OAS3: variants seen among roughly 807,000 people sequenced by gnomAD.
The protein encoded by OAS3 is 2'-5'-oligoadenylate synthase 3.
A neutral mutation model predicts 113.0 loss-of-function variants in OAS3; 107 were observed. The observed-to-expected ratio is 0.95, with a 90% CI of 0.81 to 1.11. OAS3 has a LOEUF of 1.11. Ranked by LOEUF, OAS3 falls within the 50% of genes most tolerant of loss-of-function variation. The probability of loss-of-function intolerance (pLI) is 0.00; values close to 1 mark genes in which losing one functional copy is unlikely to be tolerated. For synonymous variants in OAS3, 552 were observed against 573.6 expected (o/e 0.96, Z 0.54); for missense variants, 1,258 against 1,389.1 (o/e 0.91, Z 1.50).
chr12:112,961,333 C>T (rs878885732), intron 8 of OAS3, 87 bp downstream of exon 8: 4 of 1,215,114 alleles, frequency 3.3e-6, no homozygotes, highest in South Asian at 1.4e-5. Context: ...ACCCACATCT[C>T]CCCTCCTTTG....
chr12:112,968,174 G>C lies in OAS3; in HGVS notation c.3104G>C (p.Arg1035Thr). Residue 1035 changes from arginine (R) to threonine (T), a missense_variant and splice_region_variant, in exon 14 of 16, where the codon AGG (arginine) becomes ACG (threonine). Transcript: ENST00000228928. ...DFLKQQLQKP[R>T]PIILDPADPT... ...CTGAAACAGCAGCTTCAGAAGCCCA[G>C]GTTCAGGTCTACCCCCAATGTTCCA... The C allele has an allele frequency of 1.2e-6, 2 of 1,611,396 alleles. No homozygotes were observed. Among genetic ancestry groups the C allele is most frequent in the Non-Finnish European group, 1.7e-6 (2 of 1,178,086 alleles).
In OAS3 at chr12:112,968,138, T is replaced by C; in HGVS notation, c.3068T>C (p.Val1023Ala). The change falls in exon 14 of 16, where the codon GTT becomes GCT. Residue 1023 changes from valine to alanine, a missense_variant. By Grantham distance (64) the Val-to-Ala change is moderately conservative. Coordinates refer to ENST00000228928, the MANE Select transcript of OAS3 (RefSeq NM_006187.4). ...TINYNAKDKT[V>A]GDFLKQQLQK... ...AACTACAACGCCAAGGACAAGACTG[T>C]TGGAGACTTCCTGAAACAGCAGCTT... The C allele has an allele frequency of 6.2e-7, 1 of 1,613,772 alleles. No homozygotes were observed. The highest frequency in any genetic ancestry group is 1.1e-5 in the South Asian group (1 of 91,034).
At position 112,969,729 on chromosome 12, in the gene OAS3, A is replaced by G. The variant is rs774833836; in HGVS notation, c.3226A>G (p.Ile1076Val). 5.0e-6 allele frequency: 8 copies of G among 1,613,272 alleles called. No individual in the cohort carries two copies. The African/African-American group carries it at 5.3e-5, about 11-fold the overall frequency. The change falls in exon 15 of 16, where the codon ATC (isoleucine) becomes GTC (valine). Residue 1076 changes from isoleucine to valine, a missense_variant. By Grantham distance (29) the Ile-to-Val change is conservative. Coordinates refer to ENST00000228928, the MANE Select transcript of OAS3 (RefSeq NM_006187.4). ...SALCCMGRNG[I>V]PIQPWPVKAA... is the part of the protein sequence containing the mutation. ...CCTGTGCTGCATGGGACGGAATGGC[A>G]TCCCCATCCAGCCATGGCCAGTGAA...
chr12:112,948,933 A>G lies in OAS3; in HGVS notation c.1102A>G (p.Asn368Asp), dbSNP rs924152427. ...AGACCCTAACCAGAAGACCCCTGAAAACAGCAAGAGCCTCAATGCTGTGTA... is the reference window on the plus strand; with the variant it reads ...AGACCCTAACCAGAAGACCCCTGAAGACAGCAAGAGCCTCAATGCTGTGTA... ...QLDPNQKTPE[N>D]SKSLNAVYPR... Residue 368 changes from asparagine (N) to aspartate (D), a missense_variant, in exon 6 of 16, where the codon AAC becomes GAC. Physicochemically the swap from Asn to Asp is conservative, Grantham distance 23. Transcript: ENST00000228928. 10 of 1,612,078 alleles carry G rather than the reference A, an allele frequency of 6.2e-6. 1 individual carries two copies. In the Admixed American group the frequency reaches 6.7e-5, roughly 11 times the overall value.
At chr12:112,943,190 C>T (rs758176550) in intron 2 of OAS3, among the ~76,000 whole-genome samples, 51 of 152,136 alleles carry the variant, frequency 3.4e-4, no homozygotes, top group Non-Finnish European at 5.9e-4. Context: ...CTGCCTCAGC[C>T]TCCCAAAGTG....
chr12:112,960,965 G>A lies in OAS3; in HGVS notation c.1658-106G>A, dbSNP rs991336631. The A allele has an allele frequency of 2.9e-6, 3 of 1,029,760 alleles. No individual in the cohort carries two copies. The African/African-American group carries it at 4.8e-5, about 16-fold the overall frequency. 63.8% of individuals were successfully genotyped at this position (1,029,760 alleles called of 1,614,324 possible). On this transcript the variant is annotated intron_variant, in intron 7 of 15. Transcript: ENST00000228928. ...TAGTGTATTATTGATTGCAATGTTA[G>A]GTGATTAATGTTAGAATATTCATAA... is the stretch of plus-strand genomic sequence containing the variant.
intron 3 of OAS3, 39 bp from the exon 4 acceptor site, chr12:112,946,704 C>A (rs1181929981): frequency 6.5e-7 from 1 of 1,543,708 alleles, no homozygotes; most frequent in African/African-American, 1.4e-5. Flanking sequence ...CTTTCCTCCC[C>A]TTCTTCCTTC....
rs2043995417 is a variant in OAS3, at chr12:112,972,672, A to G, written c.*2699A>G. 6.6e-6 allele frequency: 1 copy of G among 152,334 alleles called. No individual in the cohort carries two copies. Among genetic ancestry groups the G allele is most frequent in the African/African-American group, 2.4e-5 (1 of 41,566 alleles). The allele number at this position is 152,334 out of a possible 1,614,324, so 9.4% of individuals were successfully genotyped here. ...ATGGCGCTGGTACGTAAATAGACCA[A>G]TGCAGTTAGGTGGCTCTTTCCAAGA... On this transcript the variant is annotated 3_prime_UTR_variant, in exon 16 of 16. Transcript: ENST00000228928.
chr12:112,949,296 G>A, intron 6 of OAS3, 91 bp downstream of exon 6: 3 of 1,168,822 alleles, frequency 2.6e-6, no homozygotes, highest in Non-Finnish European at 3.7e-6. Flanking sequence ...CTGAGGTTGG[G>A]CTGGGGAACT....
chr12:112,938,732 A>C, intron 1 of OAS3, 25 bp downstream of exon 1: 1 of 1,217,174 alleles, frequency 8.2e-7, no homozygotes, highest in South Asian at 1.5e-5. Flanking sequence ...CGGGGTCTTT[A>C]TGTGTCCAAA....
At chr12:112,961,736 T>C in intron 8 of OAS3, among the ~76,000 whole-genome samples, 1 of 151,680 alleles carries the variant, frequency 6.6e-6, no homozygotes, top group East Asian at 1.9e-4. Flanking sequence ...TGGATCAAGC[T>C]GTGCCTGAAA....
Position 112,967,459 on chromosome 12 carries a change from G to T in OAS3, c.2731G>T (p.Val911Phe). 1 of 1,613,494 alleles carries T rather than the reference G, an allele frequency of 6.2e-7. No individual in the cohort carries two copies. The highest frequency in any genetic ancestry group is 1.1e-5 in the South Asian group (1 of 90,886). Residue 911 changes from valine (V) to phenylalanine (F), a missense_variant, in exon 13 of 16, where the codon GTC becomes TTC. Transcript: ENST00000228928. ...SGSRPSSQVY[V>F]DLIHSYSNAG... ...CTCCAGGCCCAGCTCTCAAGTCTAC[G>T]TCGACCTCATCCACAGCTACAGCAA... is the stretch of plus-strand genomic sequence containing the variant.
intron 6 of OAS3, 112 bp from the exon 7 acceptor site, chr12:112,950,581 C>G: frequency 7.9e-7 from 1 of 1,261,200 alleles, no homozygotes; most frequent in Non-Finnish European, 1.1e-6. Flanking sequence ...CCAGACCTGA[C>G]ATCAGCAAGA....
At chr12:112,946,671 T>G (rs759519256) in intron 3 of OAS3, 72 bp from the exon 4 acceptor site, 71 of 1,351,260 alleles carry the variant, frequency 5.3e-5, no homozygotes, top group Non-Finnish European at 7.2e-5. Flanking sequence ...GTCCCCAGTC[T>G]GGTTATGCAG....
chr12:112,950,554 G>A (rs1368780948), intron 6 of OAS3, 139 bp from the exon 7 acceptor site: 3 of 969,906 alleles, frequency 3.1e-6, no homozygotes, highest in Non-Finnish European at 4.6e-6. Context: ...CCATGCAGTC[G>A]ACCTTTGTCA....
chr12:112,941,954 G>C, intron 2 of OAS3, 102 bp downstream of exon 2: 13 of 1,451,330 alleles, frequency 9.0e-6, no homozygotes, highest in Non-Finnish European at 1.3e-5. Context: ...TGTTTGACCT[G>C]GGCCAGCCTC....
chr12:112,940,399 TG>T (rs1230675354), intron 1 of OAS3, among the ~76,000 whole-genome samples: 1 of 152,200 alleles, frequency 6.6e-6, no homozygotes, highest in Non-Finnish European at 1.5e-5. Flanking sequence ...TTTCACCATC[TG>T]AGCCTCACTC....
chr12:112,950,641 G>A (rs1242481427), intron 6 of OAS3, 52 bp from the exon 7 acceptor site: 8 of 1,587,134 alleles, frequency 5.0e-6, no homozygotes, highest in African/African-American at 2.7e-5. Context: ...ATCGTAGTCC[G>A]ACTCCCAGGC....
rs2043952697 is a variant in OAS3, at chr12:112,968,073, G to T, written c.3003G>T (p.Leu1001=). The change falls in exon 14 of 16, where the codon CTG becomes CTT. Residue 1001 remains leucine, a synonymous_variant. Coordinates refer to ENST00000228928, the MANE Select transcript of OAS3 (RefSeq NM_006187.4). ...MAEGFRTVLE[L]VTQYRQLCIY... is the part of the protein sequence containing the mutation. ...AGGGCTTCCGCACGGTCCTGGAGCT[G>T]GTCACCCAGTACCGCCAGCTCTGTA... 1 of 1,613,816 alleles carries T rather than the reference G, an allele frequency of 6.2e-7. No individual in the cohort carries two copies. Among genetic ancestry groups the T allele is most frequent in the Admixed American group, 1.7e-5 (1 of 59,990 alleles).
Sources: allele counts gnomAD v4.1 joint callset (sites outside exome capture counted in the v4.1 genomes callset), GRCh38; gene constraint gnomAD v4.1.1; transcripts MANE v1.5; gene names NCBI Gene and HGNC (gene_info 2026-07-23, HGNC 2026-07-21).